The following AGFG2 variants were observed in gnomAD, a reference collection of about 807,000 sequenced individuals.
The protein encoded by AGFG2 is arf-GAP domain and FG repeat-containing protein 2.
A neutral mutation model predicts 48.0 loss-of-function variants in AGFG2; 31 were observed. That is an observed-to-expected ratio of 0.65 (90% confidence interval 0.49 to 0.87). The LOEUF is 0.87. Among genes scored for constraint, AGFG2 ranks in the 40% least tolerant of loss-of-function variants. AGFG2 has a pLI of 0.00. For missense variants in AGFG2, 599 were observed against 632.6 expected, an observed-to-expected ratio of 0.95 and a Z score of 0.57; for synonymous variants, 229 against 260.8, an observed-to-expected ratio of 0.88 and a Z score of 1.18.
chr7:100,543,649 A>G (rs937744216), intron 1 of AGFG2, among the ~76,000 whole-genome samples: 5 of 152,184 alleles, frequency 3.3e-5, no homozygotes, highest in African/African-American at 1.2e-4. Flanking sequence ...AAAAACACAC[A>G]TTTTAATATT....
chr7:100,556,820 T>TTC (rs1187875286), intron 6 of AGFG2, among the ~76,000 whole-genome samples: 2 of 152,340 alleles, frequency 1.3e-5, no homozygotes, highest in East Asian at 3.9e-4. Flanking sequence ...GCCCACAGCC[T>TTC]TCTCACTGTG....
At chr7:100,560,288 G>C (rs1800838785) in intron 6 of AGFG2, among the ~76,000 whole-genome samples, 1 of 151,416 alleles carries the variant, frequency 6.6e-6, no homozygotes, top group African/African-American at 2.4e-5. Flanking sequence ...AAGTGATTCT[G>C]GTGCCTCAGC....
Position 100,563,838 on chromosome 7 carries a change from C to CGCG in AGFG2, c.1177_1178insCGG (p.Pro392_Gly393insAla). Reference sequence around the variant, plus strand: ...CTCCCGTCTTTCACTCCATAGGGCCCGGCTTTGGGATGAGCAGTGCTGGGC... The same window carrying CGCG: ...CTCCCGTCTTTCACTCCATAGGGCCCGCGGGCTTTGGGATGAGCAGTGCTGGGC... On this transcript the variant is annotated inframe_insertion, in exon 10 of 12. Transcript: ENST00000300176. The CGCG allele has an allele frequency of 6.2e-7, 1 of 1,611,502 alleles. No homozygotes were observed.
chr7:100,558,475 G>A (rs1800800263), intron 6 of AGFG2, among the ~76,000 whole-genome samples: 1 of 151,784 alleles, frequency 6.6e-6, no homozygotes, highest in South Asian at 2.1e-4. Flanking sequence ...TTATAGATGC[G>A]TCCCTTCTGA....
Position 100,551,885 on chromosome 7 carries a change from CAA to C in AGFG2, c.431+1399_431+1400del, listed in dbSNP as rs59484677. Among the ~76,000 whole-genome samples, 159 of 16,794 alleles carry C rather than the reference CAA, an allele frequency of 9.5e-3. 1 individual carries two copies. Among genetic ancestry groups the C allele is most frequent in the African/African-American group, 0.034 (141 of 4,148 alleles). 11.0% of individuals were successfully genotyped at this position (16,794 alleles called of 152,430 possible). A position where few individuals can be genotyped will look rare whatever the true frequency, so the allele number is the denominator to read the frequency against. On this transcript the variant is annotated intron_variant, in intron 3 of 11. Coordinates refer to ENST00000300176, the MANE Select transcript of AGFG2 (RefSeq NM_006076.5). The stretch of plus-strand genomic sequence containing the variant: ...CTGGGCAAAGAGAGAGAGACTGTCT[CAA>C]AAAAAAAAAAAAAAAAAAAAAAAAG...
chr7:100,561,127 C>CTTTT (rs76456752), intron 6 of AGFG2, among the ~76,000 whole-genome samples: 1 of 125,058 alleles, frequency 8.0e-6, no homozygotes, highest in African/African-American at 3.0e-5. Context: ...CCAGATCTCC[C>CTTTT]TTTTTTTTTT....
rs1347521068 is a variant in AGFG2, at chr7:100,565,961, A to G, written c.*970A>G. On this transcript the variant is annotated 3_prime_UTR_variant, in exon 12 of 12. Transcript: ENST00000300176. ...TCTGCACCAAAGCTCATTGCAGGCA[A>G]TGTTGGAAAAGAACTGCATTTGAAC... The G allele has an allele frequency of 1.3e-5, 2 of 150,154 alleles. No homozygotes were observed. The highest frequency in any genetic ancestry group is 2.1e-4 in the South Asian group (1 of 4,772). The allele number at this position is 150,154 out of a possible 1,614,324, so 9.3% of individuals were successfully genotyped here. A position where few individuals can be genotyped will look rare whatever the true frequency, so the allele number is the denominator to read the frequency against.
Position 100,554,123 on chromosome 7 carries a change from C to T in AGFG2, c.616C>T (p.Gln206Ter). The T allele has an allele frequency of 6.2e-7, 1 of 1,614,070 alleles. No homozygotes were observed. The highest frequency in any genetic ancestry group is 8.5e-7 in the Non-Finnish European group (1 of 1,179,960). The stretch of plus-strand genomic sequence containing the variant: ...CAGTCAGTCTCACGCTCGGACATCC[C>T]AGGCCCGGAGCACTCAGCCACCTCC... ...PVSQSHARTS[Q>*]ARSTQPPPHS... is the part of the protein sequence containing the mutation. The change falls in exon 5 of 12, where the codon CAG becomes TAG. Residue 206 changes from glutamine to a stop codon, truncating the protein, a stop_gained. Coordinates refer to ENST00000300176, the MANE Select transcript of AGFG2 (RefSeq NM_006076.5). LOFTEE classifies it high-confidence loss of function.
chr7:100,554,545 G>C (rs1800718749), intron 5 of AGFG2, among the ~76,000 whole-genome samples: 1 of 152,058 alleles, frequency 6.6e-6, no homozygotes, highest in Admixed American at 6.6e-5. Flanking sequence ...GGGAGGAGGG[G>C]GATTATCATG....
intron 11 of AGFG2, among the ~76,000 whole-genome samples, chr7:100,564,704 G>A (rs765475700): frequency 6.6e-6 from 1 of 151,932 alleles, no homozygotes; most frequent in Non-Finnish European, 1.5e-5. Context: ...GGGTTTTCCC[G>A]TGTTGGCCAG....
At chr7:100,563,085 G>A (rs1245565057) in intron 9 of AGFG2, 139 bp downstream of exon 9, 2 of 878,750 alleles carry the variant, frequency 2.3e-6, no homozygotes, top group East Asian at 5.3e-5. Context: ...CCCACACGGT[G>A]CCAGGCCACC....
intron 6 of AGFG2, among the ~76,000 whole-genome samples, chr7:100,556,923 C>T (rs929991553): frequency 2.0e-5 from 3 of 152,254 alleles, no homozygotes; most frequent in South Asian, 2.1e-4. Flanking sequence ...GTTGGCTGGG[C>T]GTGGTGGCTC....
chr7:100,547,495 G>T (rs1230674786), intron 1 of AGFG2, among the ~76,000 whole-genome samples: 3 of 151,890 alleles, frequency 2.0e-5, no homozygotes, highest in Non-Finnish European at 2.9e-5. Context: ...GCTTGTTTTG[G>T]TTTGGGCAGT....
At chr7:100,555,227 A>G (rs1800732169) in intron 5 of AGFG2, among the ~76,000 whole-genome samples, 1 of 136,708 alleles carries the variant, frequency 7.3e-6, no homozygotes, top group Non-Finnish European at 1.5e-5. Flanking sequence ...GGATAGGCAT[A>G]TACATTTTCT....
chr7:100,548,046 G>A (rs1313494942), intron 1 of AGFG2, among the ~76,000 whole-genome samples: 2 of 152,066 alleles, frequency 1.3e-5, no homozygotes, highest in African/African-American at 4.8e-5. Context: ...AAGGATTTGT[G>A]TTTTTGTGGG....
chr7:100,556,773 G>C (rs909792700), intron 6 of AGFG2: 4 of 519,840 alleles, frequency 7.7e-6, no homozygotes, highest in Admixed American at 3.2e-5. Flanking sequence ...GAGCGACCAA[G>C]CTGAGACCAG....
At chr7:100,556,342 A>T (rs1800758578) in intron 6 of AGFG2, 1 of 203,562 alleles carries the variant, frequency 4.9e-6, no homozygotes, top group African/African-American at 2.3e-5. Flanking sequence ...AAACAAAACC[A>T]AATAAACTAT....
In AGFG2 at chr7:100,564,232, G is replaced by A. The variant is rs776048198; in HGVS notation, c.1315G>A (p.Asp439Asn). Residue 439 changes from aspartate to asparagine, a missense_variant, in exon 11 of 12, where the codon GAC becomes AAC. Coordinates refer to ENST00000300176, the MANE Select transcript of AGFG2 (RefSeq NM_006076.5). ...VQQQNGSSFG[D>N]LGSAKLGQRP... is the part of the protein sequence containing the mutation. ...TCGCCCCCTAGGCTCTTCCTTCGGG[G>A]ACTTAGGATCAGCCAAGTTGGGGCA... 1.2e-5 allele frequency: 19 copies of A among 1,612,778 alleles called. No individual in the cohort carries two copies. The Admixed American group carries it at 3.2e-4, about 27-fold the overall frequency.
Position 100,562,395 on chromosome 7 carries a change from G to A in AGFG2, c.998+16G>A. The A allele has an allele frequency of 6.2e-7, 1 of 1,612,950 alleles. No individual in the cohort carries two copies. The highest frequency in any genetic ancestry group is 8.5e-7 in the Non-Finnish European group (1 of 1,179,396). ...TTCCTAGCAGGTAGGTACAGACAGT[G>A]GGCAGTCTGCTGTAGGGCAGGAGAG... is the stretch of plus-strand genomic sequence containing the variant. On this transcript the variant is annotated intron_variant, in intron 7 of 11. Transcript: ENST00000300176. The surrounding 1 kb of genome is among the most constrained non-coding windows in gnomAD (Gnocchi z 5.4).
Sources: allele counts gnomAD v4.1 joint callset (sites outside exome capture counted in the v4.1 genomes callset), GRCh38; gene constraint gnomAD v4.1.1; non-coding constraint Gnocchi (gnomAD v3.1); transcripts MANE v1.5; gene names NCBI Gene and HGNC (gene_info 2026-07-23, HGNC 2026-07-21).